TMEM69: variants seen among roughly 807,000 people sequenced by gnomAD.
TMEM69 encodes the protein transmembrane protein 69.
Under a neutral mutation model 15.8 loss-of-function variants are expected in TMEM69, and 17 were observed. The ratio of observed to expected loss-of-function variants is 1.07; its 90% confidence interval spans 0.73 to 1.61. The LOEUF (loss-of-function observed/expected upper bound fraction) is 1.61, where lower values mean the gene tolerates loss of function less well. Among genes scored for constraint, TMEM69 ranks in the 40% most tolerant of loss-of-function variants. The pLI is 0.00. For synonymous variants in TMEM69, 80 were observed against 98.6 expected (o/e 0.81, Z 1.12); for missense variants, 230 against 286.1 (o/e 0.80, Z 1.41).
Position 45,693,698 on chromosome 1 carries a change from T to G in TMEM69, c.537T>G (p.Ser179=). The part of the protein sequence containing the change: ...LFFSWFAFLI[S]ERLSEAIVTV... ...TTTCATGGTTTGCCTTCCTTATTTC[T>G]GAAAGACTTAGTGAAGCCATAGTCA... The change falls in exon 3 of 3, where the codon TCT becomes TCG. Residue 179 remains serine, a synonymous_variant. Coordinates refer to ENST00000372025, the MANE Select transcript of TMEM69 (RefSeq NM_016486.4). 6.2e-7 allele frequency: 1 copy of G among 1,614,194 alleles called. No individual in the cohort carries two copies. Among genetic ancestry groups the G allele is most frequent in the Non-Finnish European group, 8.5e-7 (1 of 1,180,038 alleles).
In TMEM69 at chr1:45,691,011, A is replaced by C; in HGVS notation, c.-58A>C. On this transcript the variant is annotated 5_prime_UTR_variant, in exon 2 of 3. Transcript: ENST00000372025. The stretch of plus-strand genomic sequence containing the variant: ...GATTCAGTGCCTCTGCTTAGCTGTA[A>C]CATGTTAATCAGAACTACCTGGCAT... 1 of 1,599,116 alleles carries C rather than the reference A, an allele frequency of 6.3e-7. No homozygotes were observed. The highest frequency in any genetic ancestry group is 1.1e-5 in the South Asian group (1 of 90,764).
Position 45,691,019 on chromosome 1 carries a change from A to G in TMEM69, c.-50A>G, listed in dbSNP as rs1645341210. ...GCCTCTGCTTAGCTGTAACATGTTA[A>G]TCAGAACTACCTGGCATCTTCCTGA... On this transcript the variant is annotated 5_prime_UTR_variant, in exon 2 of 3. It removes the in-frame stop codon of an upstream open reading frame in the 5' UTR. Coordinates refer to ENST00000372025, the MANE Select transcript of TMEM69 (RefSeq NM_016486.4). The G allele has an allele frequency of 6.2e-7, 1 of 1,611,998 alleles. No individual in the cohort carries two copies. The highest frequency in any genetic ancestry group is 1.3e-5 in the African/African-American group (1 of 75,044).
At chr1:45,689,400 C>G (rs534305102) in intron 1 of TMEM69, among the ~76,000 whole-genome samples, 101 of 152,204 alleles carry the variant, frequency 6.6e-4, no homozygotes, top group African/African-American at 2.3e-3. Flanking sequence ...CAGCTATTTA[C>G]ATGTAGTAAC....
At chr1:45,691,546 A>G in intron 2 of TMEM69, among the ~76,000 whole-genome samples, 1 of 152,142 alleles carries the variant, frequency 6.6e-6, no homozygotes, top group East Asian at 1.9e-4. Flanking sequence ...ATGTTTAAAA[A>G]AAAAAAAAAT....
At chr1:45,691,268 G>C (rs1427591690) in intron 2 of TMEM69, among the ~76,000 whole-genome samples, 158 bp downstream of exon 2, 1 of 152,186 alleles carries the variant, frequency 6.6e-6, no homozygotes, top group Non-Finnish European at 1.5e-5. Flanking sequence ...TATTATATCA[G>C]GCTGGGTGCA....
At chr1:45,689,576 C>G (rs1645330138) in intron 1 of TMEM69, among the ~76,000 whole-genome samples, 1 of 152,170 alleles carries the variant, frequency 6.6e-6, no homozygotes, top group South Asian at 2.1e-4. Context: ...GGCACGGTGC[C>G]TAATGCCTGT....
intron 2 of TMEM69, among the ~76,000 whole-genome samples, chr1:45,692,773 T>A (rs1383394193): frequency 6.6e-6 from 1 of 152,152 alleles, no homozygotes; most frequent in Non-Finnish European, 1.5e-5. Context: ...TAAAACTAAG[T>A]TGGAAGGTAG....
intron 1 of TMEM69, among the ~76,000 whole-genome samples, chr1:45,689,646 T>C (rs917037426): frequency 9.2e-5 from 14 of 151,956 alleles, no homozygotes; most frequent in Non-Finnish European, 2.9e-5. Flanking sequence ...ATCGAGACCA[T>C]CCTAACATGG....
intron 2 of TMEM69, among the ~76,000 whole-genome samples, chr1:45,691,382 C>G (rs1645344080): frequency 6.6e-6 from 1 of 152,014 alleles, no homozygotes; most frequent in Non-Finnish European, 1.5e-5. Flanking sequence ...AAAACCCCAT[C>G]TCTACAAAAA....
chr1:45,693,242 C>T lies in TMEM69; in HGVS notation c.81C>T (p.Ser27=), dbSNP rs749394115. 24 of 1,613,564 alleles carry T rather than the reference C, an allele frequency of 1.5e-5. No homozygotes were observed. In the African/African-American group the frequency reaches 2.9e-4, roughly 20 times the overall value. The change falls in exon 3 of 3, where the codon AGC becomes AGT. Residue 27 remains serine (S), a synonymous_variant. Coordinates refer to ENST00000372025, the MANE Select transcript of TMEM69 (RefSeq NM_016486.4). ...CTTTCCCAGTGGGACTAAGAACCAG[C>T]AGAACAGATATACTTTCTCTCAAGA... The part of the protein sequence containing the change: ...KYSFPVGLRT[S]RTDILSLKMS...
chr1:45,693,227 G>A lies in TMEM69; in HGVS notation c.66G>A (p.Val22=). ...SSKILKYSFP[V]GLRTSRTDIL... ...AGATACTGAAGTACTCTTTCCCAGTGGGACTAAGAACCAGCAGAACAGATA... is the reference window on the plus strand; with the variant it reads ...AGATACTGAAGTACTCTTTCCCAGTAGGACTAAGAACCAGCAGAACAGATA... Residue 22 remains valine, a synonymous_variant, in exon 3 of 3, where the codon GTG becomes GTA. Transcript: ENST00000372025. 1 of 1,611,010 alleles carries A rather than the reference G, an allele frequency of 6.2e-7. No individual in the cohort carries two copies. The highest frequency in any genetic ancestry group is 8.5e-7 in the Non-Finnish European group (1 of 1,178,356).
chr1:45,691,059 A>G lies in TMEM69; in HGVS notation c.-10A>G, dbSNP rs1365040436. The G allele has an allele frequency of 6.2e-7, 1 of 1,614,206 alleles. No individual in the cohort carries two copies. The highest frequency in any genetic ancestry group is 2.2e-5 in the East Asian group (1 of 44,876). The stretch of plus-strand genomic sequence containing the variant: ...CATCTTCCTGAACAAGACTTTCAAT[A>G]GGGGCCAGTATGCTTCGCTTCATCC... On this transcript the variant is annotated 5_prime_UTR_variant, in exon 2 of 3. The change creates a new upstream start codon in the 5' untranslated region. Transcript: ENST00000372025.
In TMEM69 at chr1:45,693,859, A is replaced by G; in HGVS notation, c.698A>G (p.Lys233Arg). 2 of 1,611,818 alleles carry G rather than the reference A, an allele frequency of 1.2e-6. No homozygotes were observed. Among genetic ancestry groups the G allele is most frequent in the Non-Finnish European group, 8.5e-7 (1 of 1,179,558 alleles). ...TFSFIITLVV[K>R]SSFPEKGHKR... ...TCATTTATAATCACTTTAGTAGTTAAAAGTAGTTTTCCAGAAAAAGGACAT... is the reference window on the plus strand; with the variant it reads ...TCATTTATAATCACTTTAGTAGTTAGAAGTAGTTTTCCAGAAAAAGGACAT... Residue 233 changes from lysine to arginine, a missense_variant, in exon 3 of 3, where the codon AAA becomes AGA. Transcript: ENST00000372025.
intron 2 of TMEM69, 31 bp downstream of exon 2, chr1:45,691,141 A>G (rs1263719380): frequency 3.1e-6 from 5 of 1,607,460 alleles, no homozygotes; most frequent in Middle Eastern, 1.7e-4. Context: ...TTTGAGCACT[A>G]TTTGCCAAAT....
In TMEM69 at chr1:45,688,602, G is replaced by A. The variant is rs575446729; in HGVS notation, c.-96+327G>A. On this transcript the variant is annotated intron_variant, in intron 1 of 2. Transcript: ENST00000372025. ...CTTTTTAATACCCACTAGTTGGAAA[G>A]CACGTGCCACAGAGGAAAGGGAGTT... is the stretch of plus-strand genomic sequence containing the variant. 2.0e-4 allele frequency among the ~76,000 whole-genome samples: 30 copies of A among 152,238 alleles called. No individual in the cohort carries two copies. In the East Asian group the frequency reaches 5.2e-3, roughly 26 times the overall value.
chr1:45,693,651 A>G lies in TMEM69; in HGVS notation c.490A>G (p.Ser164Gly). 1 of 1,614,220 alleles carries G rather than the reference A, an allele frequency of 6.2e-7. No homozygotes were observed. Among genetic ancestry groups the G allele is most frequent in the Non-Finnish European group, 8.5e-7 (1 of 1,180,040 alleles). The part of the protein sequence containing the change: ...PAKPDYLNLA[S>G]SAAPLFFSWF... Reference sequence around the variant, plus strand: ...CAAACCAGACTACCTTAATTTAGCTAGCAGTGCAGCTCCTCTTTTCTTTTC... The same window carrying G: ...CAAACCAGACTACCTTAATTTAGCTGGCAGTGCAGCTCCTCTTTTCTTTTC... Residue 164 changes from serine (S) to glycine (G), a missense_variant, in exon 3 of 3, where the codon AGC becomes GGC. Transcript: ENST00000372025.
At chr1:45,690,704 C>G (rs1217229435) in intron 1 of TMEM69, among the ~76,000 whole-genome samples, 1 of 151,812 alleles carries the variant, frequency 6.6e-6, no homozygotes, top group East Asian at 1.9e-4. Context: ...AAAACCAGTA[C>G]TCAAGCAATT....
At chr1:45,689,429 G>T (rs1230351804) in intron 1 of TMEM69, among the ~76,000 whole-genome samples, 1 of 152,118 alleles carries the variant, frequency 6.6e-6, no homozygotes, top group African/African-American at 2.4e-5. Flanking sequence ...TGTTATATCA[G>T]GCTAAGTGGC....
rs1645358521 is a variant in TMEM69, at chr1:45,693,399, C to T, written c.238C>T (p.Leu80=). ...TAAAAAGCAGCAGAAGCAAGCACTT[C>T]TAGCCAGACCCTCAAGCACCATCAC... ...SFKKQQKQAL[L]ARPSSTITYL... Residue 80 remains leucine, a synonymous_variant, in exon 3 of 3, where the codon CTA becomes TTA. Transcript: ENST00000372025. 6.2e-7 allele frequency: 1 copy of T among 1,614,202 alleles called. No homozygotes were observed. Among genetic ancestry groups the T allele is most frequent in the Non-Finnish European group, 8.5e-7 (1 of 1,180,020 alleles).
Sources: allele counts gnomAD v4.1 joint callset (sites outside exome capture counted in the v4.1 genomes callset), GRCh38; gene constraint gnomAD v4.1.1; transcripts MANE v1.5; gene names NCBI Gene and HGNC (gene_info 2026-07-23, HGNC 2026-07-21).